Variants in BMAL2 observed in about 807,000 individuals in gnomAD.
The protein encoded by BMAL2 is basic helix-loop-helix ARNT-like protein 2.
chr12:27,391,933 C>T, the BMAL2 span, among the ~76,000 whole-genome samples: 3 of 152,062 alleles, frequency 2.0e-5, no homozygotes, highest in Non-Finnish European at 4.4e-5. Flanking sequence ...AAGTCACAGC[C>T]GAAATAGAGG....
the BMAL2 span, chr12:27,389,697 G>C: frequency 2.8e-5 from 5 of 181,456 alleles, no homozygotes; most frequent in East Asian, 7.8e-4. Flanking sequence ...TTGTATAATT[G>C]TGTTTGGGAA....
chr12:27,388,810 T>A, the BMAL2 span, among the ~76,000 whole-genome samples: 1 of 152,236 alleles, frequency 6.6e-6, no homozygotes, highest in East Asian at 1.9e-4. Flanking sequence ...TCACAGATAT[T>A]CTGTGATTTC....
At chr12:27,349,002 G>C in the BMAL2 span, among the ~76,000 whole-genome samples, 1 of 152,214 alleles carries the variant, frequency 6.6e-6, no homozygotes, top group East Asian at 1.9e-4. Context: ...CTTCTTGTAG[G>C]AGATAACATC....
chr12:27,361,393 C>A, the BMAL2 span, among the ~76,000 whole-genome samples: 1 of 152,118 alleles, frequency 6.6e-6, no homozygotes. Context: ...AAATCACAAA[C>A]TTTCTTTGTA....
chr12:27,385,323 TAATTA>T, the BMAL2 span, among the ~76,000 whole-genome samples: 1 of 151,188 alleles, frequency 6.6e-6, no homozygotes, highest in African/African-American at 2.4e-5. Context: ...CAAAAATAAA[TAATTA>T]AATTAAATGA....
chr12:27,372,704 C>T, the BMAL2 span, among the ~76,000 whole-genome samples: 7 of 152,058 alleles, frequency 4.6e-5, no homozygotes, highest in African/African-American at 9.7e-5. Context: ...GACGGAGTCT[C>T]GCTGTGTCAC....
the BMAL2 span, chr12:27,380,484 G>C: frequency 2.1e-4 from 318 of 1,487,110 alleles, 1 homozygote; most frequent in African/African-American, 3.9e-3. Flanking sequence ...TCGCTTTGCT[G>C]TCAGCTGTTG....
chr12:27,347,654 A>G, the BMAL2 span, among the ~76,000 whole-genome samples: 1 of 152,230 alleles, frequency 6.6e-6, no homozygotes, highest in African/African-American at 2.4e-5. Flanking sequence ...TTGTACTGCA[A>G]ACTGGAAAAC....
At chr12:27,360,827 A>C in the BMAL2 span, among the ~76,000 whole-genome samples, 2 of 147,098 alleles carry the variant, frequency 1.4e-5, no homozygotes, top group Non-Finnish European at 3.0e-5. Flanking sequence ...AAAAAAAAAC[A>C]GTACTAACAA....
At chr12:27,334,687 A>G in the BMAL2 span, among the ~76,000 whole-genome samples, 1 of 152,246 alleles carries the variant, frequency 6.6e-6, no homozygotes, top group Non-Finnish European at 1.5e-5. Context: ...TTTTAGATTA[A>G]TAGTTTATTG....
chr12:27,402,525 A>G, the BMAL2 span: 1 of 1,057,876 alleles, frequency 9.5e-7, no homozygotes, highest in Non-Finnish European at 1.4e-6. Context: ...ATGGGCCACA[A>G]ATTGACAAAT....
chr12:27,382,647 C>CA, the BMAL2 span, among the ~76,000 whole-genome samples: 1 of 152,208 alleles, frequency 6.6e-6, no homozygotes. Context: ...TGATTTAAGG[C>CA]AACTGGATCT....
chr12:27,334,938 C>A, the BMAL2 span, among the ~76,000 whole-genome samples: 2 of 152,204 alleles, frequency 1.3e-5, no homozygotes, highest in Non-Finnish European at 2.9e-5. Context: ...CATGACAGAA[C>A]TAGAGTTAAA....
At chr12:27,410,055 A>G in the BMAL2 span, among the ~76,000 whole-genome samples, 1 of 151,992 alleles carries the variant, frequency 6.6e-6, no homozygotes, top group Admixed American at 6.6e-5. Context: ...ATACCATCTC[A>G]CACCAGTTAG....
chr12:27,420,482 G>A, the BMAL2 span: 1 of 1,613,316 alleles, frequency 6.2e-7, no homozygotes, highest in African/African-American at 1.3e-5. Context: ...AGAAGCAGAG[G>A]GGGGCCTGGG....
the BMAL2 span, among the ~76,000 whole-genome samples, chr12:27,379,288 C>T: frequency 7.5e-3 from 1,136 of 152,282 alleles, 16 homozygotes; most frequent in African/African-American, 0.026. Context: ...TCTTGAGAAT[C>T]ATTTAGGTTT....
At chr12:27,354,481 C>T in the BMAL2 span, among the ~76,000 whole-genome samples, 1 of 152,016 alleles carries the variant, frequency 6.6e-6, no homozygotes, top group African/African-American at 2.4e-5. Flanking sequence ...GTGCTCCCTA[C>T]CTGGGTAATG....
At chr12:27,423,217 C>CT in the BMAL2 span, 1 of 151,112 alleles carries the variant, frequency 6.6e-6, no homozygotes, top group African/African-American at 2.4e-5. Context: ...CACTATGTTC[C>CT]TTTTTTCTAC....
At chr12:27,333,248 G>A in the BMAL2 span, 2 of 850,508 alleles carry the variant, frequency 2.4e-6, no homozygotes, top group East Asian at 4.1e-5. Context: ...CATCGCCTCC[G>A]AGGGGCGGTG....
Sources: gnomAD v4.1 joint callset for allele counts (sites outside exome capture counted in the v4.1 genomes callset) on GRCh38, gnomAD v4.1.1 for gene constraint, MANE v1.5 for transcripts, NCBI Gene and HGNC (gene_info 2026-07-23, HGNC 2026-07-21) for gene names.